Variants in UBE3A observed in about 807,000 individuals in gnomAD.
UBE3A encodes the protein ubiquitin-protein ligase E3A.
A neutral mutation model predicts 83.4 loss-of-function variants in UBE3A; 6 were observed. That is an observed-to-expected ratio of 0.07 (90% CI 0.04 to 0.14). The LOEUF is 0.14. UBE3A is among the 10% of genes least tolerant of loss of function. UBE3A has a pLI of 1.00. For synonymous variants in UBE3A, 337 were observed against 355.4 expected (o/e 0.95, Z 0.58); for missense variants, 456 against 1,036.1 (o/e 0.44, Z 7.69).
chr15:25,437,049 T>C (rs1238369476), intron 1 of UBE3A, among the ~76,000 whole-genome samples: 1 of 152,224 alleles, frequency 6.6e-6, no homozygotes, highest in African/African-American at 2.4e-5. Flanking sequence ...TACACAAAGA[T>C]TGAAAATTAT....
chr15:25,431,683 C>G (rs1351518050), intron 1 of UBE3A, among the ~76,000 whole-genome samples: 1 of 152,116 alleles, frequency 6.6e-6, no homozygotes, highest in East Asian at 1.9e-4. Flanking sequence ...AACATGACCA[C>G]TGACTTCAGA....
chr15:25,436,783 G>A (rs934861360), intron 1 of UBE3A, among the ~76,000 whole-genome samples: 2 of 152,070 alleles, frequency 1.3e-5, no homozygotes, highest in African/African-American at 4.8e-5. Context: ...CAGAATTTAG[G>A]ACAGATAAAA....
intron 1 of UBE3A, chr15:25,422,022 G>C (rs184591700): frequency 2.0e-5 from 3 of 152,060 alleles, no homozygotes; most frequent in South Asian, 4.2e-4. Flanking sequence ...ACCTTTATTC[G>C]CAACAGCCTA....
At chr15:25,406,592 A>G (rs1318035984) in intron 3 of UBE3A, among the ~76,000 whole-genome samples, 1 of 152,020 alleles carries the variant, frequency 6.6e-6, no homozygotes, top group Non-Finnish European at 1.5e-5. Context: ...CAAAAGCTAA[A>G]TTTTCAAATT....
intron 11 of UBE3A, among the ~76,000 whole-genome samples, chr15:25,352,452 T>A (rs965564542): frequency 6.6e-6 from 1 of 152,178 alleles, no homozygotes; most frequent in African/African-American, 2.4e-5. Flanking sequence ...CCAGTGCTTA[T>A]AAAAGTTACG....
At chr15:25,363,408 A>T (rs372103537) in intron 6 of UBE3A, among the ~76,000 whole-genome samples, 3 of 152,332 alleles carry the variant, frequency 2.0e-5, no homozygotes, top group East Asian at 3.9e-4. Context: ...ATAGAACAAA[A>T]ATATTCCATG....
At chr15:25,360,288 G>T in intron 7 of UBE3A, 95 bp downstream of exon 7, 2 of 1,538,500 alleles carry the variant, frequency 1.3e-6, no homozygotes, top group Non-Finnish European at 8.9e-7. Context: ...TTCTTTTGCT[G>T]CTCTTCATAG....
At chr15:25,382,513 A>G (rs1422372496) in intron 4 of UBE3A, among the ~76,000 whole-genome samples, 5 of 151,990 alleles carry the variant, frequency 3.3e-5, no homozygotes, top group Non-Finnish European at 7.4e-5. Context: ...TAAATCAACA[A>G]ATTAACTTTA....
intron 9 of UBE3A, among the ~76,000 whole-genome samples, chr15:25,355,349 T>C (rs1193061618): frequency 6.6e-6 from 1 of 152,124 alleles, no homozygotes; most frequent in Non-Finnish European, 1.5e-5. Context: ...TAATATTTAA[T>C]CAAAAAATTA....
chr15:25,337,242 A>C lies in UBE3A; in HGVS notation c.*1895T>G, dbSNP rs1046118960. 2.0e-5 allele frequency: 3 copies of C among 152,190 alleles called. No individual in the cohort carries two copies. Among genetic ancestry groups the C allele is most frequent in the African/African-American group, 7.2e-5 (3 of 41,460 alleles). The allele number at this position is 152,190 out of a possible 1,614,324, so 9.4% of individuals were successfully genotyped here. ...TAATAAAACTTGAGAACTGAAGAGC[A>C]CACATTTCTTCACGAATTTATTATA... On this transcript the variant is annotated 3_prime_UTR_variant, in exon 13 of 13. Coordinates refer to ENST00000648336, the MANE Select transcript of UBE3A (RefSeq NM_130839.5).
At chr15:25,349,331 A>T (rs1458146335) in intron 11 of UBE3A, among the ~76,000 whole-genome samples, 1 of 152,224 alleles carries the variant, frequency 6.6e-6, no homozygotes, top group East Asian at 1.9e-4. Flanking sequence ...AAGAAAACAT[A>T]AGATATTTGT....
Position 25,371,961 on chromosome 15 carries a change from T to G in UBE3A, c.362-149A>C. 1.2e-6 allele frequency: 1 copy of G among 860,626 alleles called. No individual in the cohort carries two copies. Among genetic ancestry groups the G allele is most frequent in the Non-Finnish European group, 1.7e-6 (1 of 576,882 alleles). 53.3% of individuals were successfully genotyped at this position (860,626 alleles called of 1,614,324 possible). ...CTCTTAAAGTATCTAATACTTAGAT[T>G]CAGCAAACAAAATTTAATGCTTACC... On this transcript the variant is annotated intron_variant, in intron 5 of 12. Transcript: ENST00000648336. The surrounding 1 kb of genome is among the most constrained non-coding windows in gnomAD (Gnocchi z 5.3).
chr15:25,434,738 A>G (rs1894495086), intron 1 of UBE3A, among the ~76,000 whole-genome samples: 1 of 152,184 alleles, frequency 6.6e-6, no homozygotes, highest in Non-Finnish European at 1.5e-5. Flanking sequence ...AACTAGAGAC[A>G]TGGACTCTGG....
chr15:25,409,782 A>G (rs1314890988), intron 2 of UBE3A, among the ~76,000 whole-genome samples: 1 of 152,210 alleles, frequency 6.6e-6, no homozygotes, highest in Non-Finnish European at 1.5e-5. Context: ...CTGATAGAGC[A>G]ATCAGTCACC....
At chr15:25,372,947 G>A (rs2080541140) in intron 5 of UBE3A, among the ~76,000 whole-genome samples, 1 of 152,090 alleles carries the variant, frequency 6.6e-6, no homozygotes, top group African/African-American at 2.4e-5. Flanking sequence ...AGTGATCATT[G>A]AATGGTCTCC....
chr15:25,432,420 C>T (rs746740418), intron 1 of UBE3A, among the ~76,000 whole-genome samples: 1 of 152,196 alleles, frequency 6.6e-6, no homozygotes, highest in Non-Finnish European at 1.5e-5. Context: ...GATTTCATTA[C>T]ATGAAAAGAA....
Position 25,371,419 on chromosome 15 carries a change from G to A in UBE3A, c.755C>T (p.Ala252Val). ...CAAATATACAAGTGCATTGAGAAAG[G>A]CAGTTTCAATTTTTTCATTAGAGAG... ...RLLSNEKIET[A>V]FLNALVYLSP... Residue 252 changes from alanine to valine, a missense_variant, in exon 6 of 13, where the codon GCC (alanine) becomes GTC (valine). Around this residue, in one of 13 missense-constraint regions of UBE3A, gnomAD observed 40 missense variants for 124.8 expected, o/e 0.32. Transcript: ENST00000648336. This position sits in a 1 kb window ranked among gnomAD's most constrained non-coding sequence, Gnocchi z 5.3. 1.2e-6 allele frequency: 2 copies of A among 1,614,080 alleles called. No homozygotes were observed. Among genetic ancestry groups the A allele is most frequent in the Non-Finnish European group, 1.7e-6 (2 of 1,180,012 alleles).
intron 1 of UBE3A, among the ~76,000 whole-genome samples, chr15:25,431,773 T>C (rs1000474412): frequency 3.3e-5 from 5 of 152,334 alleles, no homozygotes; most frequent in African/African-American, 1.2e-4. Flanking sequence ...TCACATACCA[T>C]AGATGCACAA....
At chr15:25,424,463 T>C (rs1890737650) in intron 1 of UBE3A, among the ~76,000 whole-genome samples, 1 of 152,208 alleles carries the variant, frequency 6.6e-6, no homozygotes, top group South Asian at 2.1e-4. Context: ...CTATGTAACA[T>C]ATATTTTACC....
Sources: allele counts gnomAD v4.1 joint callset (sites outside exome capture counted in the v4.1 genomes callset), GRCh38; gene constraint gnomAD v4.1.1; regional missense constraint gnomAD v4.1.1; non-coding constraint Gnocchi (gnomAD v3.1); transcripts MANE v1.5; gene names NCBI Gene and HGNC (gene_info 2026-07-23, HGNC 2026-07-21).